The following GRAMD2B variants were observed in gnomAD, a reference collection of about 807,000 sequenced individuals.
GRAMD2B encodes GRAM domain containing 2B, also known as GRAM domain-containing protein 2B.
Under a neutral mutation model 59.2 loss-of-function variants are expected in GRAMD2B, and 41 were observed. That is an observed-to-expected ratio of 0.69 (90% CI 0.54 to 0.90). The LOEUF is 0.90. Among genes scored for constraint, GRAMD2B ranks in the 40% least tolerant of loss-of-function variants. The pLI, the probability that GRAMD2B is intolerant of heterozygous loss-of-function variation, is 0.00. For missense variants in GRAMD2B, 424 were observed against 500.5 expected (o/e 0.85, Z 1.46); for synonymous variants, 161 against 182.7 (o/e 0.88, Z 0.96).
intron 1 of GRAMD2B, among the ~76,000 whole-genome samples, chr5:126,426,927 T>C (rs1760711301): frequency 6.6e-6 from 1 of 152,236 alleles, no homozygotes; most frequent in Non-Finnish European, 1.5e-5. Flanking sequence ...AATGAATCCC[T>C]TTCTGACCAA....
chr5:126,375,762 T>C (rs1363253044), intron 1 of GRAMD2B, among the ~76,000 whole-genome samples: 2 of 152,252 alleles, frequency 1.3e-5, no homozygotes, highest in African/African-American at 4.8e-5. Flanking sequence ...CCTTGTATTG[T>C]TCCTGATTTT....
chr5:126,362,886 C>T lies in GRAMD2B; in HGVS notation c.128+2427C>T, dbSNP rs143664083. On this transcript the variant is annotated intron_variant, in intron 1 of 13. Transcript: ENST00000513040. ...AACTATAAAAATCTTAATAAACATACGAGTAAATAATCATTGGGTTGGGCA... is the reference window on the plus strand; with the variant it reads ...AACTATAAAAATCTTAATAAACATATGAGTAAATAATCATTGGGTTGGGCA... Among the ~76,000 whole-genome samples, 48 of 152,152 alleles carry T rather than the reference C, an allele frequency of 3.2e-4. No individual in the cohort carries two copies. In the East Asian group the frequency reaches 5.4e-3, roughly 17 times the overall value.
Position 126,488,786 on chromosome 5 carries a change from T to C in GRAMD2B, c.1164-13T>C. 1 of 1,603,234 alleles carries C rather than the reference T, an allele frequency of 6.2e-7. No individual in the cohort carries two copies. The highest frequency in any genetic ancestry group is 8.5e-7 in the Non-Finnish European group (1 of 1,171,296). On this transcript the variant is annotated splice_polypyrimidine_tract_variant and intron_variant, in intron 12 of 13. Coordinates refer to ENST00000285689, the MANE Select transcript of GRAMD2B (RefSeq NM_023927.4). ...ATCCCTGCCCATAATAATTTTTCTC[T>C]TTTTTCTTACAGACAGGCAGCACCA...
intron 11 of GRAMD2B, among the ~76,000 whole-genome samples, chr5:126,486,529 C>T (rs115385582): frequency 6.6e-6 from 1 of 152,306 alleles, no homozygotes; most frequent in African/African-American, 2.4e-5. Context: ...CACCAGAGAA[C>T]ATGGCTAAGA....
intron 2 of GRAMD2B, chr5:126,467,636 G>A (rs1297324250): frequency 6.6e-6 from 1 of 152,092 alleles, no homozygotes; most frequent in Non-Finnish European, 1.5e-5. Context: ...TCAAATCTGT[G>A]AATAATATAA....
upstream of GRAMD2B, among the ~76,000 whole-genome samples, chr5:126,368,559 A>C (rs1454269353): frequency 6.6e-6 from 1 of 152,224 alleles, no homozygotes; most frequent in Admixed American, 6.5e-5. Flanking sequence ...AGACAGGTTT[A>C]GGATGCCTCC....
At chr5:126,488,499 T>G (rs1338237753) in intron 12 of GRAMD2B, among the ~76,000 whole-genome samples, 1 of 152,192 alleles carries the variant, frequency 6.6e-6, no homozygotes, top group Non-Finnish European at 1.5e-5. Context: ...ATAAAAGGGT[T>G]CTAAGAAACC....
chr5:126,383,316 C>A (rs1262145669), intron 1 of GRAMD2B, among the ~76,000 whole-genome samples: 1 of 152,154 alleles, frequency 6.6e-6, no homozygotes, highest in South Asian at 2.1e-4. Context: ...CAAAACCAGG[C>A]AAATGTAATT....
intron 1 of GRAMD2B, among the ~76,000 whole-genome samples, chr5:126,404,077 G>T (rs1299833911): frequency 2.6e-5 from 4 of 151,824 alleles, no homozygotes; most frequent in Non-Finnish European, 5.9e-5. Flanking sequence ...CCATACTTTT[G>T]AAAACAATTG....
At chr5:126,479,695 T>C (rs920776661) in intron 6 of GRAMD2B, among the ~76,000 whole-genome samples, 1 of 152,216 alleles carries the variant, frequency 6.6e-6, no homozygotes, top group Non-Finnish European at 1.5e-5. Context: ...TGGAATATAG[T>C]ACTTGCTCGG....
At chr5:126,443,713 T>C (rs1434261696) in intron 1 of GRAMD2B, among the ~76,000 whole-genome samples, 2 of 152,228 alleles carry the variant, frequency 1.3e-5, no homozygotes, top group African/African-American at 4.8e-5. Flanking sequence ...ACTTCATGCA[T>C]GCATGTTGTT....
intron 1 of GRAMD2B, among the ~76,000 whole-genome samples, chr5:126,395,359 A>G (rs1284865085): frequency 1.3e-5 from 2 of 152,180 alleles, no homozygotes; most frequent in East Asian, 3.9e-4. Flanking sequence ...TTAAACAACT[A>G]TGGTCTGAGC....
At chr5:126,444,722 T>C (rs1156567196) in intron 1 of GRAMD2B, among the ~76,000 whole-genome samples, 1 of 152,168 alleles carries the variant, frequency 6.6e-6, no homozygotes, top group Non-Finnish European at 1.5e-5. Flanking sequence ...AGTTCCAGGG[T>C]ATATGTGCAG....
chr5:126,465,471 G>A lies in GRAMD2B; in HGVS notation c.129G>A (p.Arg43=). 1 of 1,614,134 alleles carries A rather than the reference G, an allele frequency of 6.2e-7. No individual in the cohort carries two copies. The highest frequency in any genetic ancestry group is 8.5e-7 in the Non-Finnish European group (1 of 1,180,020). ...NGVEEKKKAC[R]SPTAQSPTPS... is the part of the protein sequence containing the mutation. ...TGGAGGAGAAAAAGAAAGCCTGCAG[G>A]TCGCCAACAGCCCAATCCCCTACCC... The change falls in exon 2 of 14, where the codon AGG becomes AGA. Residue 43 remains arginine (R), a synonymous_variant. Transcript: ENST00000285689.
chr5:126,475,071 T>A (rs754313660), intron 5 of GRAMD2B, among the ~76,000 whole-genome samples: 1 of 152,218 alleles, frequency 6.6e-6, no homozygotes, highest in Admixed American at 6.5e-5. Context: ...AACTTTCCAA[T>A]CAAGTTCCCC....
intron 1 of GRAMD2B, among the ~76,000 whole-genome samples, chr5:126,434,648 G>A (rs1019038473): frequency 6.6e-6 from 1 of 152,054 alleles, no homozygotes; most frequent in Non-Finnish European, 1.5e-5. Flanking sequence ...CTCCCGAGTA[G>A]CTGGGACTAC....
At chr5:126,407,945 A>AT (rs953136582) in intron 1 of GRAMD2B, among the ~76,000 whole-genome samples, 191 of 150,606 alleles carry the variant, frequency 1.3e-3, no homozygotes, top group African/African-American at 4.1e-3. Flanking sequence ...GTATCTTTTT[A>AT]TTTTTTTTTA....
At chr5:126,386,497 C>A (rs1383891417) in intron 1 of GRAMD2B, among the ~76,000 whole-genome samples, 3 of 152,168 alleles carry the variant, frequency 2.0e-5, no homozygotes, top group Non-Finnish European at 4.4e-5. Flanking sequence ...AGTAAATTGG[C>A]TAGGTAGCTC....
intron 13 of GRAMD2B, among the ~76,000 whole-genome samples, chr5:126,491,902 T>C (rs1365403602): frequency 6.6e-6 from 1 of 152,064 alleles, no homozygotes; most frequent in Non-Finnish European, 1.5e-5. Flanking sequence ...CCCAGCTAAT[T>C]TGTATATTTT....
Sources: allele counts gnomAD v4.1 joint callset (sites outside exome capture counted in the v4.1 genomes callset), GRCh38; gene constraint gnomAD v4.1.1; transcripts MANE v1.5; gene names NCBI Gene and HGNC (gene_info 2026-07-23, HGNC 2026-07-21).